Variants in ZSWIM5 observed in about 807,000 individuals in gnomAD.
ZSWIM5 encodes the protein zinc finger SWIM-type containing 5, also known as zinc finger SWIM domain-containing protein 5.
In ZSWIM5, 55 loss-of-function variants were observed where a neutral mutation model predicts 119.6. That is an observed-to-expected ratio of 0.46 (90% CI 0.37 to 0.58). The LOEUF (loss-of-function observed/expected upper bound fraction) is 0.58. Among genes scored for constraint, ZSWIM5 ranks in the 20% least tolerant of loss-of-function variants. The pLI, the probability that ZSWIM5 is intolerant of heterozygous loss-of-function variation, is 0.00. For synonymous variants in ZSWIM5, 537 were observed against 606.9 expected (o/e 0.88, Z 1.69); for missense variants, 1,193 against 1,512.8 (o/e 0.79, Z 3.51).
chr1:45,188,154 C>G (rs1195838550), intron 1 of ZSWIM5, among the ~76,000 whole-genome samples: 1 of 152,192 alleles, frequency 6.6e-6, no homozygotes, highest in African/African-American at 2.4e-5. Context: ...CAAATATTCA[C>G]AGCAGCATTA....
intron 1 of ZSWIM5, among the ~76,000 whole-genome samples, chr1:45,115,980 C>T (rs888149431): frequency 6.6e-5 from 10 of 152,256 alleles, no homozygotes; most frequent in South Asian, 2.1e-4. Context: ...TGGTGGCGCG[C>T]GCCCGCAATC....
At chr1:45,056,321 G>A (rs1450410427) in intron 4 of ZSWIM5, among the ~76,000 whole-genome samples, 4 of 152,016 alleles carry the variant, frequency 2.6e-5, no homozygotes, top group Non-Finnish European at 4.4e-5. Flanking sequence ...GGTGAGGCAC[G>A]GTGACTCACG....
rs1644875927 is a variant in ZSWIM5, at chr1:45,019,786, C to T, written c.2695+280G>A. On this transcript the variant is annotated intron_variant, in intron 13 of 13. Coordinates refer to ENST00000359600, the MANE Select transcript of ZSWIM5 (RefSeq NM_020883.2). This position sits in a 1 kb window ranked among gnomAD's most constrained non-coding sequence, Gnocchi z 5.0. ...GGGCCCACTACCTCCCAAGGGAGCA[C>T]TTGAGTAGCAACTGAAAATTCATTC... Among the ~76,000 whole-genome samples the T allele has an allele frequency of 1.3e-5, 2 of 152,120 alleles. No individual in the cohort carries two copies. The highest frequency in any genetic ancestry group is 4.1e-4 in the South Asian group (2 of 4,830).
intron 1 of ZSWIM5, among the ~76,000 whole-genome samples, chr1:45,170,866 A>AT (rs1165952650): frequency 6.6e-6 from 1 of 152,156 alleles, no homozygotes; most frequent in Non-Finnish European, 1.5e-5. Context: ...GAAAATAGGA[A>AT]TGAGGCACCA....
intron 1 of ZSWIM5, among the ~76,000 whole-genome samples, chr1:45,091,181 G>A (rs1405275094): frequency 6.6e-6 from 1 of 152,124 alleles, no homozygotes; most frequent in African/African-American, 2.4e-5. Context: ...TTCCCCAATG[G>A]CCAAGTTTCA....
intron 1 of ZSWIM5, among the ~76,000 whole-genome samples, chr1:45,156,391 A>G (rs1645827189): frequency 6.6e-6 from 1 of 152,028 alleles, no homozygotes. Context: ...TCAGCACCAC[A>G]CAATATACCC....
intron 11 of ZSWIM5, among the ~76,000 whole-genome samples, chr1:45,021,891 G>A (rs1339557581): frequency 3.3e-5 from 5 of 151,654 alleles, no homozygotes; most frequent in African/African-American, 4.8e-5. Flanking sequence ...GCATGGTGGC[G>A]TGAGCCTGTA....
intron 1 of ZSWIM5, among the ~76,000 whole-genome samples, chr1:45,107,088 G>A (rs1645485560): frequency 6.6e-6 from 1 of 152,156 alleles, no homozygotes; most frequent in Admixed American, 6.5e-5. Context: ...AAGGCCACAG[G>A]AACCTCTGCC....
At chr1:45,166,686 C>CA (rs1173406086) in intron 1 of ZSWIM5, among the ~76,000 whole-genome samples, 1 of 151,998 alleles carries the variant, frequency 6.6e-6, no homozygotes, top group Non-Finnish European at 1.5e-5. Context: ...AACAGACAAA[C>CA]AGAGAGCCAA....
At chr1:45,131,466 G>C (rs1645655913) in intron 1 of ZSWIM5, among the ~76,000 whole-genome samples, 1 of 152,114 alleles carries the variant, frequency 6.6e-6, no homozygotes, top group Non-Finnish European at 1.5e-5. Context: ...GCTCATGTCT[G>C]TAATTCTAGC....
chr1:45,122,289 GATA>G (rs1255819907), intron 1 of ZSWIM5, among the ~76,000 whole-genome samples: 1 of 152,240 alleles, frequency 6.6e-6, no homozygotes, highest in Non-Finnish European at 1.5e-5. Flanking sequence ...GTAAAATGGT[GATA>G]ATAATCTGCA....
intron 1 of ZSWIM5, among the ~76,000 whole-genome samples, chr1:45,115,211 A>ACTGGGCGGCTGC (rs1645544833): frequency 6.6e-6 from 1 of 151,616 alleles, no homozygotes; most frequent in African/African-American, 2.4e-5. Context: ...CACTTCCCAG[A>ACTGGGCGGCTGC]TGGGGCAGCC....
chr1:45,024,802 G>A (rs1396383381), intron 11 of ZSWIM5, among the ~76,000 whole-genome samples: 5 of 152,038 alleles, frequency 3.3e-5, no homozygotes, highest in Non-Finnish European at 5.9e-5. Context: ...TTACAGATGC[G>A]TGATACCATG....
At chr1:45,168,322 C>T (rs1422635751) in intron 1 of ZSWIM5, among the ~76,000 whole-genome samples, 1 of 151,276 alleles carries the variant, frequency 6.6e-6, no homozygotes, top group African/African-American at 2.4e-5. Context: ...CAGGGCCTGT[C>T]GTGGGCTGGG....
chr1:45,030,010 C>T (rs1234813117), intron 11 of ZSWIM5, among the ~76,000 whole-genome samples: 1 of 152,104 alleles, frequency 6.6e-6, no homozygotes, highest in Admixed American at 6.6e-5. Flanking sequence ...GGCAGTGGCA[C>T]GATAGCTCAC....
chr1:45,134,258 CCTAGAAGCAA>C (rs1244553767), intron 1 of ZSWIM5, among the ~76,000 whole-genome samples: 7 of 151,816 alleles, frequency 4.6e-5, no homozygotes, highest in Non-Finnish European at 1.0e-4. Context: ...TTGCTTTTTG[CCTAGAAGCAA>C]AACTAGTGAA....
intron 1 of ZSWIM5, among the ~76,000 whole-genome samples, chr1:45,095,752 A>C (rs1453572238): frequency 6.6e-6 from 1 of 152,188 alleles, no homozygotes; most frequent in African/African-American, 2.4e-5. Context: ...GTTCCTTGTC[A>C]GCTTTTCACC....
At chr1:45,122,966 C>T (rs570210623) in intron 1 of ZSWIM5, among the ~76,000 whole-genome samples, 33 of 152,222 alleles carry the variant, frequency 2.2e-4, no homozygotes, top group Middle Eastern at 3.4e-3. Context: ...CCAGTGGTAA[C>T]GAGGCCACCA....
At chr1:45,196,536 G>A (rs1557796404) in intron 1 of ZSWIM5, among the ~76,000 whole-genome samples, 1 of 151,632 alleles carries the variant, frequency 6.6e-6, no homozygotes, top group East Asian at 1.9e-4. Flanking sequence ...GACTACAGGT[G>A]CCTGCCACCA....
Sources: gnomAD v4.1 joint callset for allele counts (sites outside exome capture counted in the v4.1 genomes callset) on GRCh38, gnomAD v4.1.1 for gene constraint, Gnocchi (gnomAD v3.1) non-coding constraint, MANE v1.5 for transcripts, NCBI Gene and HGNC (gene_info 2026-07-23, HGNC 2026-07-21) for gene names.